CCDC3: variants seen among roughly 807,000 people sequenced by gnomAD.
CCDC3 encodes the protein coiled-coil domain containing 3.
Under a neutral mutation model 21.4 loss-of-function variants are expected in CCDC3, and 24 were observed. The ratio of observed to expected loss-of-function variants is 1.12; its 90% confidence interval spans 0.81 to 1.58. The LOEUF is 1.58. Ranked by LOEUF, CCDC3 falls within the 40% of genes most tolerant of loss-of-function variation. CCDC3 has a pLI of 0.00. For synonymous variants in CCDC3, 186 were observed against 166.0 expected (o/e 1.12, Z -0.93); for missense variants, 425 against 360.9 (o/e 1.18, Z -1.44).
chr10:13,098,656 C>G (rs1564348273), intron 2 of CCDC3: 1 of 147,480 alleles, frequency 6.8e-6, no homozygotes, highest in Non-Finnish European at 1.5e-5. Flanking sequence ...CCATTTCTCT[C>G]TGTATATATT....
At chr10:13,022,891 A>C (rs2131406152) in intron 5 of CCDC3, among the ~76,000 whole-genome samples, 1 of 152,350 alleles carries the variant, frequency 6.6e-6, no homozygotes, top group South Asian at 2.1e-4. Flanking sequence ...GATATTGCAG[A>C]ACTGCTTGAA....
intron 2 of CCDC3, among the ~76,000 whole-genome samples, chr10:12,973,799 T>C (rs1012705956): frequency 2.0e-5 from 3 of 152,234 alleles, no homozygotes; most frequent in African/African-American, 7.2e-5. Flanking sequence ...CCAGGTTTTA[T>C]ATCCCCACAG....
intron 2 of CCDC3, among the ~76,000 whole-genome samples, chr10:12,993,468 A>C (rs1835708665): frequency 1.3e-5 from 2 of 152,250 alleles, no homozygotes; most frequent in African/African-American, 4.8e-5. Context: ...AGATCTCCAC[A>C]GATTTTCCTT....
Position 12,898,635 on chromosome 10 carries a change from G to GTCC in CCDC3, c.591_593dup (p.Glu197dup), listed in dbSNP as rs1564274825. The GTCC allele has an allele frequency of 3.1e-6, 5 of 1,614,206 alleles. No individual in the cohort carries two copies. Among genetic ancestry groups the GTCC allele is most frequent in the Non-Finnish European group, 4.2e-6 (5 of 1,180,036 alleles). Reference sequence around the variant, plus strand: ...CTTTCTGCTGCAGTTTCTTGACGTGGTCCTCCTCCTCAAACAAGGCCTTCT... The same window carrying GTCC: ...CTTTCTGCTGCAGTTTCTTGACGTGGTCCTCCTCCTCCTCAAACAAGGCCTTCT... On this transcript the variant is annotated inframe_insertion, in exon 3 of 3. Coordinates refer to ENST00000378825, the MANE Select transcript of CCDC3 (RefSeq NM_031455.4).
intron 2 of CCDC3, among the ~76,000 whole-genome samples, chr10:12,908,734 A>T (rs1305441101): frequency 6.6e-6 from 1 of 151,854 alleles, no homozygotes; most frequent in Non-Finnish European, 1.5e-5. Context: ...CTGGAACTAC[A>T]AGTGCATGCC....
intron 5 of CCDC3, among the ~76,000 whole-genome samples, chr10:13,037,845 G>A (rs1289328098): frequency 6.6e-6 from 1 of 152,086 alleles, no homozygotes; most frequent in Non-Finnish European, 1.5e-5. Context: ...GATCTTGTAG[G>A]CACTCTGCAC....
At chr10:13,076,422 T>C (rs562959523) in intron 3 of CCDC3, among the ~76,000 whole-genome samples, 2 of 152,354 alleles carry the variant, frequency 1.3e-5, no homozygotes, top group South Asian at 4.1e-4. Flanking sequence ...AACAGATTGA[T>C]AACCTTTACT....
At chr10:12,997,024 C>T (rs181073988) in intron 2 of CCDC3, among the ~76,000 whole-genome samples, 3 of 151,986 alleles carry the variant, frequency 2.0e-5, no homozygotes, top group East Asian at 1.9e-4. Flanking sequence ...CCCAGTGGCA[C>T]GCAATTTACC....
rs185829499 is a variant in CCDC3 at position 12,925,526 on chromosome 10, C to T, written c.550-26847G>A. Among the ~76,000 whole-genome samples, 31 of 152,366 alleles carry T rather than the reference C, an allele frequency of 2.0e-4. No homozygotes were observed. The East Asian group carries it at 6.0e-3, about 29-fold the overall frequency. On this transcript the variant is annotated intron_variant, in intron 2 of 2. Coordinates refer to ENST00000378825, the MANE Select transcript of CCDC3 (RefSeq NM_031455.4). ...GCCTGAATGCCCCTGTGGCGAGACA[C>T]TCTGACCCTGCCTAGCATCCAAGCC...
intron 2 of CCDC3, among the ~76,000 whole-genome samples, chr10:12,969,051 A>T (rs1835302202): frequency 6.6e-6 from 1 of 152,144 alleles, no homozygotes; most frequent in South Asian, 2.1e-4. Context: ...TAAAAGACAA[A>T]CTACACACCT....
At chr10:12,958,993 A>C (rs1041377074) in intron 2 of CCDC3, among the ~76,000 whole-genome samples, 3 of 152,176 alleles carry the variant, frequency 2.0e-5, no homozygotes, top group Non-Finnish European at 4.4e-5. Context: ...AAGAAAAGTA[A>C]GGTCCACCAT....
At position 13,086,324 on chromosome 10, in the gene CCDC3, TTGAGA is replaced by T. The variant is rs1837104240; in HGVS notation, c.-503+12196_-503+12200del. Reference sequence around the variant, plus strand: ...GCAAAGTAGATGAATAATCATTCTTTTGAGATATTTCCAAAGTTAGCATAACAATT... The same window carrying T: ...GCAAAGTAGATGAATAATCATTCTTTTATTTCCAAAGTTAGCATAACAATT... On this transcript the variant is annotated intron_variant, in intron 3 of 6. Coordinates refer to the CCDC3 transcript ENST00000378839. Among the ~76,000 whole-genome samples the T allele has an allele frequency of 2.0e-5, 3 of 152,266 alleles. No individual in the cohort carries two copies. The South Asian group carries it at 6.2e-4, about 32-fold the overall frequency.
intron 2 of CCDC3, among the ~76,000 whole-genome samples, chr10:12,934,221 A>G (rs554186516): frequency 3.2e-4 from 49 of 152,288 alleles, no homozygotes; most frequent in South Asian, 1.0e-3. Flanking sequence ...TGTCTTGTAC[A>G]GTCTCCAAGT....
chr10:12,910,203 G>C (rs533276275), intron 2 of CCDC3, among the ~76,000 whole-genome samples: 2 of 152,204 alleles, frequency 1.3e-5, no homozygotes, highest in Non-Finnish European at 2.9e-5. Flanking sequence ...CCCTAGAGCT[G>C]ACTCTCCTTG....
At chr10:13,094,214 G>A (rs900103584) in intron 3 of CCDC3, among the ~76,000 whole-genome samples, 1 of 151,442 alleles carries the variant, frequency 6.6e-6, no homozygotes, top group East Asian at 2.0e-4. Context: ...GTAAATACCT[G>A]GCTCTTTCCC....
intron 2 of CCDC3, among the ~76,000 whole-genome samples, chr10:12,986,688 G>A (rs1480237512): frequency 2.0e-5 from 3 of 152,028 alleles, no homozygotes; most frequent in African/African-American, 2.4e-5. Context: ...GCAGGAGAAT[G>A]GCGTGACGCG....
chr10:13,005,609 T>C (rs1835916455), upstream of CCDC3, among the ~76,000 whole-genome samples: 1 of 152,200 alleles, frequency 6.6e-6, no homozygotes. Flanking sequence ...GAATAAGGCA[T>C]AGATGTGCAC....
chr10:13,097,363 G>C (rs1832641244), intron 3 of CCDC3, among the ~76,000 whole-genome samples: 1 of 152,190 alleles, frequency 6.6e-6, no homozygotes, highest in South Asian at 2.1e-4. Flanking sequence ...AGGTGTTGAA[G>C]ACGTATTTCC....
At chr10:13,096,922 G>A (rs1832634280) in intron 3 of CCDC3, among the ~76,000 whole-genome samples, 2 of 152,154 alleles carry the variant, frequency 1.3e-5, no homozygotes, top group Admixed American at 6.5e-5. Flanking sequence ...TCTTCCTCCA[G>A]GACATCTGGG....
Sources: gnomAD v4.1 joint callset for allele counts (sites outside exome capture counted in the v4.1 genomes callset) on GRCh38, gnomAD v4.1.1 for gene constraint, MANE v1.5 for transcripts, NCBI Gene and HGNC (gene_info 2026-07-23, HGNC 2026-07-21) for gene names.